C12orf42: variants seen among roughly 807,000 people sequenced by gnomAD.
C12orf42 encodes chromosome 12 open reading frame 42.
A neutral mutation model predicts 21.6 loss-of-function variants in C12orf42; 25 were observed. The ratio of observed to expected loss-of-function variants is 1.16; its 90% CI spans 0.84 to 1.62. C12orf42 has a LOEUF of 1.62. C12orf42 is among the 40% of genes most tolerant of loss of function. The probability of loss-of-function intolerance (pLI) is 0.00; values close to 1 mark genes in which losing one functional copy is unlikely to be tolerated. For missense variants in C12orf42, 483 were observed against 459.3 expected, an observed-to-expected ratio of 1.05 and a Z score of -0.47; for synonymous variants, 174 against 175.0, an observed-to-expected ratio of 0.99 and a Z score of 0.05.
chr12:103,452,473 T>G (rs564029539), intron 2 of C12orf42, among the ~76,000 whole-genome samples: 2 of 152,212 alleles, frequency 1.3e-5, no homozygotes, highest in East Asian at 3.9e-4. Context: ...ATGGCATAGA[T>G]TTAGGAAGGA....
intron 4 of C12orf42, among the ~76,000 whole-genome samples, chr12:103,355,294 G>A (rs774176991): frequency 3.3e-4 from 50 of 152,046 alleles, no homozygotes; most frequent in Non-Finnish European, 4.6e-4. Context: ...TCTGAAGAGC[G>A]TGATTTGTGT....
intron 5 of C12orf42, chr12:103,273,719 A>G: frequency 5.0e-6 from 2 of 403,476 alleles, no homozygotes; most frequent in Admixed American, 5.9e-5. Context: ...GAAGCCAGAA[A>G]TTAGGGAAAA....
At chr12:103,283,914 G>A (rs1369517184) in intron 4 of C12orf42, among the ~76,000 whole-genome samples, 1 of 152,138 alleles carries the variant, frequency 6.6e-6, no homozygotes, top group African/African-American at 2.4e-5. Context: ...CAATTTTCCG[G>A]GCAAATGCAA....
At chr12:103,302,588 G>C in intron 5 of C12orf42, 29 bp from the exon 6 acceptor site, 1 of 1,573,942 alleles carries the variant, frequency 6.4e-7, no homozygotes, top group Non-Finnish European at 8.6e-7. Context: ...AAGCAGGACA[G>C]AGATGAGGCT....
chr12:103,051,181 C>CAAATGACTAATAAGGTAA, the C12orf42 span, among the ~76,000 whole-genome samples: 1 of 152,290 alleles, frequency 6.6e-6, no homozygotes, highest in East Asian at 1.9e-4. Flanking sequence ...AGATAACCAT[C>CAAATGACTAATAAGGTAA]AAATGACTAA....
chr12:103,084,768 C>G, the C12orf42 span, among the ~76,000 whole-genome samples: 1 of 152,040 alleles, frequency 6.6e-6, no homozygotes, highest in Non-Finnish European at 1.5e-5. Flanking sequence ...ATGACAGTAA[C>G]AACAACAACA....
At chr12:103,517,602 T>C in the C12orf42 span, among the ~76,000 whole-genome samples, 3 of 152,212 alleles carry the variant, frequency 2.0e-5, no homozygotes, top group Non-Finnish European at 2.9e-5. Context: ...TTTTCTGATT[T>C]TTTTTTATTA....
At chr12:103,354,927 A>G (rs2137544127) in intron 4 of C12orf42, among the ~76,000 whole-genome samples, 1 of 152,248 alleles carries the variant, frequency 6.6e-6, no homozygotes, top group South Asian at 2.1e-4. Context: ...TTCTCACCAA[A>G]GAAATGATAC....
At chr12:103,119,878 C>G in the C12orf42 span, among the ~76,000 whole-genome samples, 2 of 152,188 alleles carry the variant, frequency 1.3e-5, no homozygotes, top group African/African-American at 4.8e-5. Flanking sequence ...CATTTCAATC[C>G]AAGCTTGGCC....
At chr12:103,523,076 G>A in the C12orf42 span, among the ~76,000 whole-genome samples, 1 of 152,162 alleles carries the variant, frequency 6.6e-6, no homozygotes, top group South Asian at 2.1e-4. Context: ...GTGCAGCAAG[G>A]CCATCTGCTA....
At chr12:103,061,873 T>C in the C12orf42 span, among the ~76,000 whole-genome samples, 5 of 152,066 alleles carry the variant, frequency 3.3e-5, no homozygotes, top group African/African-American at 1.2e-4. Context: ...TTTATATATA[T>C]CATCATTTTG....
intron 2 of C12orf42, among the ~76,000 whole-genome samples, chr12:103,416,627 T>C (rs1375455790): frequency 1.1e-5 from 1 of 91,654 alleles, no homozygotes; most frequent in Non-Finnish European, 2.9e-5. Context: ...TGCAAGACAG[T>C]TAAAAAAAAA....
chr12:103,117,528 A>G, the C12orf42 span, among the ~76,000 whole-genome samples: 1 of 152,136 alleles, frequency 6.6e-6, no homozygotes, highest in East Asian at 1.9e-4. Flanking sequence ...TGGGTTACTT[A>G]TTGCATTCCA....
At chr12:103,229,322 C>T in the C12orf42 span, among the ~76,000 whole-genome samples, 1 of 152,134 alleles carries the variant, frequency 6.6e-6, no homozygotes, top group Non-Finnish European at 1.5e-5. Context: ...CAGGAAGTCC[C>T]GTGATAGTAC....
the C12orf42 span, among the ~76,000 whole-genome samples, chr12:103,063,002 C>G: frequency 6.6e-6 from 1 of 152,080 alleles, no homozygotes; most frequent in South Asian, 2.1e-4. Context: ...ACTGATAGTC[C>G]TTGGCATGAA....
At chr12:103,296,654 T>C (rs1415650718) in intron 4 of C12orf42, among the ~76,000 whole-genome samples, 1 of 152,260 alleles carries the variant, frequency 6.6e-6, no homozygotes, top group Non-Finnish European at 1.5e-5. Context: ...GCTGCATAAA[T>C]GTCTTCTTTT....
chr12:103,350,400 T>C (rs1346613859), intron 4 of C12orf42, among the ~76,000 whole-genome samples: 1 of 152,170 alleles, frequency 6.6e-6, no homozygotes, highest in Non-Finnish European at 1.5e-5. Context: ...AGATCAGCTG[T>C]CACAATATCG....
intron 4 of C12orf42, 94 bp from the exon 5 acceptor site, chr12:103,306,439 T>A (rs2038340723): frequency 2.8e-6 from 4 of 1,416,772 alleles, no homozygotes; most frequent in Non-Finnish European, 3.7e-6. Context: ...ATGTAAACTT[T>A]TGGTTGTTTT....
the C12orf42 span, among the ~76,000 whole-genome samples, chr12:103,195,651 C>T: frequency 6.6e-6 from 1 of 151,710 alleles, no homozygotes; most frequent in African/African-American, 2.4e-5. Flanking sequence ...GTTTTTTGCT[C>T]ATTAATATTT....
Sources: gnomAD v4.1 joint callset for allele counts (sites outside exome capture counted in the v4.1 genomes callset) on GRCh38, gnomAD v4.1.1 for gene constraint, MANE v1.5 for transcripts, NCBI Gene and HGNC (gene_info 2026-07-23, HGNC 2026-07-21) for gene names.